FHIP1B: variants seen among roughly 807,000 people sequenced by gnomAD.
FHIP1B encodes the protein FHF complex subunit HOOK interacting protein 1B.
A neutral mutation model predicts 82.2 loss-of-function variants in FHIP1B; 28 were observed. The observed-to-expected ratio is 0.34, with a 90% CI of 0.25 to 0.47. The LOEUF (loss-of-function observed/expected upper bound fraction) is 0.47. Among genes scored for constraint, FHIP1B ranks in the 20% least tolerant of loss-of-function variants. The pLI, the probability that FHIP1B is intolerant of heterozygous loss-of-function variation, is 1.00. For synonymous variants in FHIP1B, 585 were observed against 516.1 expected, an observed-to-expected ratio of 1.13 and a Z score of -1.81; for missense variants, 1,110 against 1,262.6, an observed-to-expected ratio of 0.88 and a Z score of 1.83.
chr11:6,232,246 C>A (rs747680255), intron 1 of FHIP1B, among the ~76,000 whole-genome samples: 27 of 152,242 alleles, frequency 1.8e-4, no homozygotes, highest in Non-Finnish European at 2.8e-4. Flanking sequence ...TCCATTATAA[C>A]AAGGATTTAG....
intron 9 of FHIP1B, chr11:6,217,094 C>T: frequency 1.4e-6 from 1 of 702,978 alleles, no homozygotes; most frequent in Non-Finnish European, 2.6e-6. Flanking sequence ...AGGAAATGGC[C>T]AGACTAGGGA....
chr11:6,212,025 T>A, intron 11 of FHIP1B, 158 bp from the exon 12 acceptor site: 3 of 917,238 alleles, frequency 3.3e-6, no homozygotes, highest in Non-Finnish European at 3.9e-6. Flanking sequence ...GAACCTCAGG[T>A]ACCATTTCCT....
chr11:6,222,167 T>G lies in FHIP1B; in HGVS notation c.1191+275A>C, dbSNP rs537300582. Among the ~76,000 whole-genome samples, 4 of 152,244 alleles carry G rather than the reference T, an allele frequency of 2.6e-5. No individual in the cohort carries two copies. The South Asian group carries it at 8.3e-4, about 32-fold the overall frequency. ...CAGGCCAATACTACATTACGAACAC[T>G]GCACAGTAGCAAAACCTATAGTCAT... On this transcript the variant is annotated intron_variant, in intron 6 of 11. Coordinates refer to ENST00000449352, the MANE Select transcript of FHIP1B (RefSeq NM_001098794.2).
intron 1 of FHIP1B, among the ~76,000 whole-genome samples, chr11:6,225,528 A>T (rs1375059933): frequency 2.6e-5 from 4 of 152,130 alleles, no homozygotes; most frequent in African/African-American, 9.7e-5. Context: ...TCCCCACATT[A>T]GGTAGCTTCT....
chr11:6,217,642 C>G lies in FHIP1B; in HGVS notation c.1944G>C (p.Lys648Asn). The G allele has an allele frequency of 6.2e-7, 1 of 1,614,038 alleles. No individual in the cohort carries two copies. Among genetic ancestry groups the G allele is most frequent in the Non-Finnish European group, 8.5e-7 (1 of 1,180,008 alleles). Reference protein sequence around the residue: ...VPGSWPEGAKKVRLVPKEGAG... With the variant: ...VPGSWPEGAKNVRLVPKEGAG... ...CTCCCTCCTTTGGCACCAGACGAAC[C>G]TTCTTGGCCCCCTCAGGCCATGATC... The change falls in exon 9 of 12, where the codon AAG becomes AAC. Residue 648 changes from lysine to asparagine, a missense_variant. Coordinates refer to ENST00000449352, the MANE Select transcript of FHIP1B (RefSeq NM_001098794.2).
intron 11 of FHIP1B, among the ~76,000 whole-genome samples, chr11:6,213,121 A>G (rs191030670): frequency 6.6e-6 from 1 of 152,326 alleles, no homozygotes; most frequent in African/African-American, 2.4e-5. Flanking sequence ...CCCCAGCACC[A>G]GAACTGTAGA....
chr11:6,222,728 C>T, intron 5 of FHIP1B, 83 bp downstream of exon 5: 1 of 1,547,226 alleles, frequency 6.5e-7, no homozygotes, highest in South Asian at 1.1e-5. Flanking sequence ...AGTACTCTAC[C>T]CACCGCCTCC....
Position 6,223,299 on chromosome 11 carries a change from CA to C in FHIP1B, c.778-62del. 4.6e-6 allele frequency: 7 copies of C among 1,511,160 alleles called. No homozygotes were observed. Among genetic ancestry groups the C allele is most frequent in the Non-Finnish European group, 5.3e-6 (6 of 1,122,044 alleles). 93.6% of individuals were successfully genotyped at this position (1,511,160 alleles called of 1,614,324 possible). A position where few individuals can be genotyped will look rare whatever the true frequency, so the allele number is the denominator to read the frequency against. ...CATTTATAAAATATAAAAACTGGAA[CA>C]GGGGAGCTAGTAATCCAGAGTTTTG... On this transcript the variant is annotated intron_variant, in intron 3 of 11. Coordinates refer to ENST00000449352, the MANE Select transcript of FHIP1B (RefSeq NM_001098794.2). This position sits in a 1 kb window ranked among gnomAD's most constrained non-coding sequence, Gnocchi z 4.8.
In FHIP1B at chr11:6,223,576, C is replaced by A; in HGVS notation, c.777+34G>T. 1 of 1,550,090 alleles carries A rather than the reference C, an allele frequency of 6.5e-7. No individual in the cohort carries two copies. The highest frequency in any genetic ancestry group is 1.3e-5 in the South Asian group (1 of 79,802). ...GAAGGTGCTGTTCAGTATCTACACACCACACCCTACCCTCCAAGCCAGGGG... is the reference window on the plus strand; with the variant it reads ...GAAGGTGCTGTTCAGTATCTACACAACACACCCTACCCTCCAAGCCAGGGG... On this transcript the variant is annotated intron_variant, in intron 3 of 11. Transcript: ENST00000449352. This position sits in a 1 kb window ranked among gnomAD's most constrained non-coding sequence, Gnocchi z 4.8.
chr11:6,225,582 G>T (rs565039849), intron 1 of FHIP1B, among the ~76,000 whole-genome samples: 1 of 152,250 alleles, frequency 6.6e-6, no homozygotes, highest in South Asian at 2.1e-4. Context: ...TATCCCCAGG[G>T]CCTAGGGACT....
chr11:6,223,434 TC>T lies in FHIP1B; in HGVS notation c.777+175del, dbSNP rs1342141285. Among the ~76,000 whole-genome samples the T allele has an allele frequency of 6.6e-6, 1 of 152,128 alleles. No individual in the cohort carries two copies. The highest frequency in any genetic ancestry group is 2.4e-5 in the African/African-American group (1 of 41,402). ...ACAAAGAGACTTAGTATCTGCCCTA[TC>T]CATCTAAGCCCATGATTCATCCCCA... is the stretch of plus-strand genomic sequence containing the variant. On this transcript the variant is annotated intron_variant, in intron 3 of 11. Coordinates refer to ENST00000449352, the MANE Select transcript of FHIP1B (RefSeq NM_001098794.2). This position sits in a 1 kb window ranked among gnomAD's most constrained non-coding sequence, Gnocchi z 4.8.
chr11:6,226,318 C>T (rs988665609), intron 1 of FHIP1B, among the ~76,000 whole-genome samples: 1 of 152,190 alleles, frequency 6.6e-6, no homozygotes, highest in Admixed American at 6.5e-5. Flanking sequence ...TACTCATTAA[C>T]TCAATGTATA....
At chr11:6,233,629 G>A (rs897230922) in intron 1 of FHIP1B, among the ~76,000 whole-genome samples, 2 of 152,198 alleles carry the variant, frequency 1.3e-5, no homozygotes, top group Non-Finnish European at 2.9e-5. Flanking sequence ...AGAAAGGAGA[G>A]TAAGGCCATC....
At position 6,223,265 on chromosome 11, in the gene FHIP1B, T is replaced by C. The variant is rs776052414; in HGVS notation, c.778-27A>G. ...TATGAGAAGTTACCAAAAGCTCATA[T>C]ATAAAATACATTTATAAAATATAAA... is the stretch of plus-strand genomic sequence containing the variant. On this transcript the variant is annotated intron_variant, in intron 3 of 11. Transcript: ENST00000449352. This position sits in a 1 kb window ranked among gnomAD's most constrained non-coding sequence, Gnocchi z 4.8. 4.4e-6 allele frequency: 7 copies of C among 1,576,436 alleles called. No homozygotes were observed. In the South Asian group the frequency reaches 7.1e-5, roughly 16 times the overall value.
In FHIP1B at chr11:6,217,963, T is replaced by C. The variant is rs1239252291; in HGVS notation, c.1623A>G (p.Ala541=). 3.1e-6 allele frequency: 5 copies of C among 1,613,126 alleles called. No individual in the cohort carries two copies. The highest frequency in any genetic ancestry group is 2.7e-5 in the African/African-American group (2 of 74,908). ...ASSPGRRPTP[A]EEPGELEDNY... ...TGTCTTCCAGCTCTCCAGGCTCCTC[T>C]GCAGGGGTAGGCCGTCGGCCAGGGC... Residue 541 remains alanine (A), a synonymous_variant, in exon 9 of 12, where the codon GCA becomes GCG. Coordinates refer to ENST00000449352, the MANE Select transcript of FHIP1B (RefSeq NM_001098794.2).
At position 6,223,352 on chromosome 11, in the gene FHIP1B, C is replaced by T; in HGVS notation, c.778-114G>A. On this transcript the variant is annotated intron_variant, in intron 3 of 11. Transcript: ENST00000449352. The surrounding 1 kb of genome is among the most constrained non-coding windows in gnomAD (Gnocchi z 4.8). ...TGGGAATAGGGGTATAAGCTATTACCAAAGCAAGCATTTGCCTACCCAATG... is the reference window on the plus strand; with the variant it reads ...TGGGAATAGGGGTATAAGCTATTACTAAAGCAAGCATTTGCCTACCCAATG... 8.4e-7 allele frequency: 1 copy of T among 1,190,708 alleles called. No individual in the cohort carries two copies. Among genetic ancestry groups the T allele is most frequent in the Admixed American group, 2.8e-5 (1 of 35,856 alleles). 73.8% of individuals were successfully genotyped at this position (1,190,708 alleles called of 1,614,324 possible). A position where few individuals can be genotyped will look rare whatever the true frequency, so the allele number is the denominator to read the frequency against.
intron 9 of FHIP1B, 158 bp from the exon 10 acceptor site, chr11:6,215,069 GA>G: frequency 1.6e-6 from 1 of 635,396 alleles, no homozygotes; most frequent in East Asian, 3.2e-5. Flanking sequence ...TATTCTGGAG[GA>G]AATAAGATGG....
intron 1 of FHIP1B, 114 bp from the exon 2 acceptor site, chr11:6,224,821 C>T (rs12421351): frequency 0.65 from 179,487 of 274,746 alleles, 61,976 homozygotes; most frequent in East Asian, 0.78. Flanking sequence ...CACATACACA[C>T]AATCAGCAAC....
At chr11:6,227,152 T>C (rs1275335567) in intron 1 of FHIP1B, among the ~76,000 whole-genome samples, 4 of 152,226 alleles carry the variant, frequency 2.6e-5, no homozygotes, top group African/African-American at 7.2e-5. Flanking sequence ...GCTTTTGAAA[T>C]TGAATGCTGA....
Sources: gnomAD v4.1 joint callset for allele counts (sites outside exome capture counted in the v4.1 genomes callset) on GRCh38, gnomAD v4.1.1 for gene constraint, Gnocchi (gnomAD v3.1) non-coding constraint, MANE v1.5 for transcripts, NCBI Gene and HGNC (gene_info 2026-07-23, HGNC 2026-07-21) for gene names.